Variants in ATXN1 observed in about 807,000 individuals in gnomAD.
ATXN1 encodes ataxin 1, also known as ataxin-1.
A neutral mutation model predicts 56.4 loss-of-function variants in ATXN1; 8 were observed. The observed-to-expected ratio is 0.14, with a 90% CI of 0.08 to 0.26. The LOEUF (loss-of-function observed/expected upper bound fraction) is 0.26, where lower values mean the gene tolerates loss of function less well. Among genes scored for constraint, ATXN1 ranks in the 10% least tolerant of loss-of-function variants. The pLI, the probability that ATXN1 is intolerant of heterozygous loss-of-function variation, is 1.00. For synonymous variants in ATXN1, 514 were observed against 494.6 expected (o/e 1.04, Z -0.52); for missense variants, 987 against 1,106.5 (o/e 0.89, Z 1.53).
intron 5 of ATXN1, among the ~76,000 whole-genome samples, chr6:16,491,277 ATTTTTTTTTTTTTTT>A (rs57395401): frequency 1.7e-4 from 22 of 132,202 alleles, no homozygotes; most frequent in Non-Finnish European, 2.5e-4. Context: ...TATTATTATT[ATTTTTTTTTTTTTTT>A]TTTTTTTTTG....
intron 6 of ATXN1, among the ~76,000 whole-genome samples, chr6:16,352,393 G>A (rs780464396): frequency 2.0e-5 from 3 of 152,132 alleles, no homozygotes; most frequent in Non-Finnish European, 2.9e-5. Flanking sequence ...TTAGATGGGT[G>A]GGTTTTGTTT....
At chr6:16,347,146 G>A (rs1761428555) in intron 6 of ATXN1, among the ~76,000 whole-genome samples, 1 of 152,238 alleles carries the variant, frequency 6.6e-6, no homozygotes, top group African/African-American at 2.4e-5. Context: ...CTCCTGTGCA[G>A]CCAGAGCCTC....
At chr6:16,343,421 C>T (rs565622531) in intron 6 of ATXN1, among the ~76,000 whole-genome samples, 5 of 152,254 alleles carry the variant, frequency 3.3e-5, no homozygotes, top group Admixed American at 2.6e-4. Flanking sequence ...AACCACACAG[C>T]GCCCCGCTCC....
In ATXN1 at chr6:16,760,646, C is replaced by T. The variant is rs547806609; in HGVS notation, c.-730+652G>A. Among the ~76,000 whole-genome samples, 1 of 151,300 alleles carries T rather than the reference C, an allele frequency of 6.6e-6. No individual in the cohort carries two copies. The highest frequency in any genetic ancestry group is 1.5e-5 in the Non-Finnish European group (1 of 67,682). On this transcript the variant is annotated intron_variant, in intron 1 of 7. Coordinates refer to ENST00000436367, the MANE Select transcript of ATXN1 (RefSeq NM_001128164.2). The surrounding 1 kb of genome is among the most constrained non-coding windows in gnomAD (Gnocchi z 5.3). The stretch of plus-strand genomic sequence containing the variant: ...TCCCTTCCCCGCCCGCAGCCGCACA[C>T]CCGGCGAGGCCGGCCCTCCGAGGGG...
chr6:16,421,680 T>C (rs1250710692), intron 6 of ATXN1, among the ~76,000 whole-genome samples: 1 of 151,786 alleles, frequency 6.6e-6, no homozygotes, highest in East Asian at 2.0e-4. Flanking sequence ...TGTGCATGCA[T>C]ACATATTTGT....
chr6:16,681,950 G>T (rs1163693251), intron 2 of ATXN1, among the ~76,000 whole-genome samples: 1 of 152,134 alleles, frequency 6.6e-6, no homozygotes, highest in Non-Finnish European at 1.5e-5. Context: ...TTGCTCTTCT[G>T]AATGTATTAG....
intron 5 of ATXN1, among the ~76,000 whole-genome samples, chr6:16,507,366 G>A (rs960267695): frequency 3.3e-5 from 5 of 152,178 alleles, no homozygotes; most frequent in Admixed American, 1.3e-4. Flanking sequence ...TGCAATGTCC[G>A]AAGGAACTCT....
chr6:16,726,826 C>A (rs530880082), intron 2 of ATXN1, among the ~76,000 whole-genome samples: 158 of 152,230 alleles, frequency 1.0e-3, no homozygotes, highest in African/African-American at 3.8e-3. Flanking sequence ...CCATTGCACT[C>A]CAGCCTGGGC....
intron 4 of ATXN1, among the ~76,000 whole-genome samples, chr6:16,554,401 C>T (rs1420402955): frequency 6.6e-6 from 1 of 152,224 alleles, no homozygotes; most frequent in Non-Finnish European, 1.5e-5. Context: ...ACCCGAGAGA[C>T]ATTACTGTCA....
At chr6:16,346,353 G>A (rs1038481147) in intron 6 of ATXN1, among the ~76,000 whole-genome samples, 2 of 152,198 alleles carry the variant, frequency 1.3e-5, no homozygotes, top group Non-Finnish European at 1.5e-5. Context: ...ACAGCCCTGA[G>A]CCACCACGCT....
intron 6 of ATXN1, among the ~76,000 whole-genome samples, chr6:16,440,958 A>G (rs948278186): frequency 5.2e-4 from 79 of 152,256 alleles, no homozygotes; most frequent in African/African-American, 1.9e-3. Context: ...GTTGGAGGAG[A>G]GGCAGTGGGC....
chr6:16,554,609 G>A (rs768599779), intron 4 of ATXN1, among the ~76,000 whole-genome samples: 3 of 152,048 alleles, frequency 2.0e-5, no homozygotes, highest in Non-Finnish European at 4.4e-5. Flanking sequence ...CCGCCACCAC[G>A]CCCGGCTAAT....
chr6:16,439,444 T>C (rs1341781587), intron 6 of ATXN1, among the ~76,000 whole-genome samples: 2 of 140,330 alleles, frequency 1.4e-5, no homozygotes, highest in South Asian at 2.4e-4. Flanking sequence ...GACTCAGGGG[T>C]TTTTTTTCAG....
At chr6:16,724,019 A>C (rs1352753972) in intron 2 of ATXN1, among the ~76,000 whole-genome samples, 1 of 152,186 alleles carries the variant, frequency 6.6e-6, no homozygotes, top group Non-Finnish European at 1.5e-5. Context: ...TTCACGTTCA[A>C]AAGATCTTTC....
chr6:16,471,620 C>T (rs550929538), intron 6 of ATXN1, among the ~76,000 whole-genome samples: 33 of 152,070 alleles, frequency 2.2e-4, no homozygotes, highest in African/African-American at 7.7e-4. Context: ...GGATTAGATT[C>T]GCACCTCTCT....
At chr6:16,586,746 C>T (rs1762632800) in intron 3 of ATXN1, among the ~76,000 whole-genome samples, 1 of 152,170 alleles carries the variant, frequency 6.6e-6, no homozygotes, top group African/African-American at 2.4e-5. Context: ...GGGGCTGGGG[C>T]ATGGTGGCTC....
At chr6:16,603,815 G>T (rs1202055276) in intron 3 of ATXN1, among the ~76,000 whole-genome samples, 1 of 152,176 alleles carries the variant, frequency 6.6e-6, no homozygotes, top group African/African-American at 2.4e-5. Context: ...CAGGGGAAGA[G>T]GTGAGCAGGC....
At chr6:16,463,216 T>C (rs1760035177) in intron 6 of ATXN1, among the ~76,000 whole-genome samples, 1 of 152,140 alleles carries the variant, frequency 6.6e-6, no homozygotes, top group African/African-American at 2.4e-5. Context: ...ACACAACCAG[T>C]TCTGTCTACC....
At chr6:16,425,533 A>C (rs986658100) in intron 6 of ATXN1, among the ~76,000 whole-genome samples, 2 of 152,208 alleles carry the variant, frequency 1.3e-5, no homozygotes, top group African/African-American at 4.8e-5. Context: ...TTCAGGTATT[A>C]CTTTGTCCTT....
Sources: allele counts gnomAD v4.1 joint callset (sites outside exome capture counted in the v4.1 genomes callset), GRCh38; gene constraint gnomAD v4.1.1; non-coding constraint Gnocchi (gnomAD v3.1); transcripts MANE v1.5; gene names NCBI Gene and HGNC (gene_info 2026-07-23, HGNC 2026-07-21).